KCNC2: variants seen among roughly 807,000 people sequenced by gnomAD.
The protein encoded by KCNC2 is potassium voltage-gated channel subfamily C member 2.
A neutral mutation model predicts 44.5 loss-of-function variants in KCNC2; 21 were observed. That is an observed-to-expected ratio of 0.47 (90% CI 0.33 to 0.68). The LOEUF is 0.68. KCNC2 is among the 30% of genes least tolerant of loss of function. The pLI is 0.01. For synonymous variants in KCNC2, 391 were observed against 339.1 expected (o/e 1.15, Z -1.68); for missense variants, 589 against 826.2 (o/e 0.71, Z 3.52).
chr12:75,108,061 T>C (rs1274095782), intron 2 of KCNC2, among the ~76,000 whole-genome samples: 1 of 152,200 alleles, frequency 6.6e-6, no homozygotes, highest in Admixed American at 6.5e-5. Flanking sequence ...ATTACTTCAA[T>C]CGATAGTAAG....
chr12:75,111,244 C>T (rs1887214076), intron 2 of KCNC2, among the ~76,000 whole-genome samples: 1 of 152,174 alleles, frequency 6.6e-6, no homozygotes, highest in Non-Finnish European at 1.5e-5. Context: ...TTCACCCTCC[C>T]TTCATCCTCT....
intron 2 of KCNC2, among the ~76,000 whole-genome samples, chr12:75,071,689 C>A (rs988955613): frequency 6.6e-6 from 1 of 152,068 alleles, no homozygotes; most frequent in African/African-American, 2.4e-5. Flanking sequence ...CGGTGGCTCA[C>A]GCCTGTAATC....
In KCNC2 at chr12:75,075,942, T is replaced by C. The variant is rs549148195; in HGVS notation, c.688-24625A>G. On this transcript the variant is annotated intron_variant, in intron 2 of 4. Coordinates refer to ENST00000549446, the MANE Select transcript of KCNC2 (RefSeq NM_139137.4). Reference sequence around the variant, plus strand: ...GACCTATTCTGAACTACAAAAACAATGGTAAAGTCTCCTAATGATCAAACT... The same window carrying C: ...GACCTATTCTGAACTACAAAAACAACGGTAAAGTCTCCTAATGATCAAACT... 4.6e-5 allele frequency among the ~76,000 whole-genome samples: 7 copies of C among 152,148 alleles called. No homozygotes were observed. In the South Asian group the frequency reaches 6.2e-4, roughly 14 times the overall value.
chr12:75,119,514 G>A (rs911818420), intron 2 of KCNC2, among the ~76,000 whole-genome samples: 4 of 152,092 alleles, frequency 2.6e-5, no homozygotes, highest in Admixed American at 1.3e-4. Flanking sequence ...AGAGAAACTG[G>A]TGACTTAACC....
intron 2 of KCNC2, among the ~76,000 whole-genome samples, chr12:75,052,617 T>C (rs1021224042): frequency 1.3e-5 from 2 of 152,080 alleles, no homozygotes; most frequent in African/African-American, 4.8e-5. Context: ...GGTTCTTACT[T>C]GAAAATAATA....
chr12:75,075,461 A>ATC (rs1322088092), intron 2 of KCNC2, among the ~76,000 whole-genome samples: 6 of 1,702 alleles, frequency 3.5e-3, no homozygotes, highest in Admixed American at 8.9e-3. Flanking sequence ...ATATATACAT[A>ATC]TATATATATA....
At position 75,207,978 on chromosome 12, in the gene KCNC2, G is replaced by A; in HGVS notation, c.6C>T (p.Gly2=). The A allele has an allele frequency of 1.2e-6, 2 of 1,612,340 alleles. No homozygotes were observed. Among genetic ancestry groups the A allele is most frequent in the Non-Finnish European group, 1.7e-6 (2 of 1,179,792 alleles). The part of the protein sequence containing the change: M[G]KIENNERVIL... ...TCACCCTCTCGTTGTTCTCGATCTT[G>A]CCCATCTCTGTGACTCAGACATGAC... Residue 2 remains glycine (G), a synonymous_variant, in exon 2 of 5, where the codon GGC becomes GGT. Coordinates refer to ENST00000549446, the MANE Select transcript of KCNC2 (RefSeq NM_139137.4). The surrounding 1 kb of genome is among the most constrained non-coding windows in gnomAD (Gnocchi z 4.1).
intron 2 of KCNC2, among the ~76,000 whole-genome samples, chr12:75,133,280 T>A (rs866355780): frequency 3.0e-4 from 45 of 152,076 alleles, no homozygotes; most frequent in African/African-American, 1.1e-3. Context: ...AGCTAAAAGA[T>A]TTGGAATATC....
chr12:75,110,694 G>C (rs2137233861), intron 2 of KCNC2, among the ~76,000 whole-genome samples: 1 of 152,140 alleles, frequency 6.6e-6, no homozygotes, highest in Non-Finnish European at 1.5e-5. Context: ...TCTAATTATG[G>C]ATTCTTTTTG....
At chr12:75,079,612 C>T (rs1884300331) in intron 2 of KCNC2, among the ~76,000 whole-genome samples, 1 of 152,048 alleles carries the variant, frequency 6.6e-6, no homozygotes, top group African/African-American at 2.4e-5. Context: ...TAAATCTTAT[C>T]AGACATCATG....
At chr12:75,179,186 T>A (rs988187626) in intron 2 of KCNC2, among the ~76,000 whole-genome samples, 1 of 152,034 alleles carries the variant, frequency 6.6e-6, no homozygotes, top group Non-Finnish European at 1.5e-5. Flanking sequence ...CAAGTTTGAA[T>A]CAGAACACTA....
chr12:75,175,135 G>A (rs538597846), intron 2 of KCNC2, among the ~76,000 whole-genome samples: 7 of 151,852 alleles, frequency 4.6e-5, no homozygotes, highest in Non-Finnish European at 1.0e-4. Flanking sequence ...GACCACAACA[G>A]TAAACTTCCA....
chr12:75,067,469 A>T (rs966726742), intron 2 of KCNC2, among the ~76,000 whole-genome samples: 27 of 152,202 alleles, frequency 1.8e-4, no homozygotes, highest in African/African-American at 6.0e-4. Context: ...AACATGACAG[A>T]TATGAACAGT....
intron 2 of KCNC2, among the ~76,000 whole-genome samples, chr12:75,059,603 A>G (rs530429104): frequency 2.2e-4 from 34 of 152,214 alleles, no homozygotes; most frequent in African/African-American, 8.2e-4. Context: ...ATGTTAGCTC[A>G]TATCACTTGG....
chr12:75,180,755 T>C (rs749312299), intron 2 of KCNC2, among the ~76,000 whole-genome samples: 1 of 151,958 alleles, frequency 6.6e-6, no homozygotes, highest in South Asian at 2.1e-4. Flanking sequence ...TAATAGCTTT[T>C]AGAAAGAATC....
At chr12:75,129,184 G>A (rs1857217090) in intron 2 of KCNC2, among the ~76,000 whole-genome samples, 1 of 152,094 alleles carries the variant, frequency 6.6e-6, no homozygotes, top group Non-Finnish European at 1.5e-5. Context: ...AAGGAACAGT[G>A]GCAGATCAGC....
At chr12:75,206,110 T>C (rs1565700263) in intron 2 of KCNC2, among the ~76,000 whole-genome samples, 1 of 152,140 alleles carries the variant, frequency 6.6e-6, no homozygotes, top group Non-Finnish European at 1.5e-5. Context: ...TCTGACAAAT[T>C]AGTAGATAGC....
intron 3 of KCNC2, among the ~76,000 whole-genome samples, chr12:75,050,060 T>C (rs1880998124): frequency 6.6e-6 from 1 of 151,866 alleles, no homozygotes; most frequent in Non-Finnish European, 1.5e-5. Flanking sequence ...AAATGGCCAA[T>C]ATCATACCAT....
intron 2 of KCNC2, among the ~76,000 whole-genome samples, chr12:75,201,006 T>C (rs2031198129): frequency 6.6e-6 from 1 of 151,670 alleles, no homozygotes; most frequent in Non-Finnish European, 1.5e-5. Context: ...GATTATCTAA[T>C]CGGTTACCCT....
Sources: gnomAD v4.1 joint callset for allele counts (sites outside exome capture counted in the v4.1 genomes callset) on GRCh38, gnomAD v4.1.1 for gene constraint, Gnocchi (gnomAD v3.1) non-coding constraint, MANE v1.5 for transcripts, NCBI Gene and HGNC (gene_info 2026-07-23, HGNC 2026-07-21) for gene names.